CFDP1: variants seen among roughly 807,000 people sequenced by gnomAD.
CFDP1 encodes the protein heterochromatin-stabilizing protein CFDP1.
Under a neutral mutation model 40.1 loss-of-function variants are expected in CFDP1, and 31 were observed. That is an observed-to-expected ratio of 0.77 (90% CI 0.58 to 1.04). The LOEUF is 1.04. CFDP1 is among the 50% of genes least tolerant of loss of function. The probability of loss-of-function intolerance (pLI) is 0.00; values close to 1 mark genes in which losing one functional copy is unlikely to be tolerated. For synonymous variants in CFDP1, 167 were observed against 120.0 expected (o/e 1.39, Z -2.56); for missense variants, 423 against 343.4 (o/e 1.23, Z -1.83).
At chr16:75,342,577 T>TA (rs1555556285) in intron 5 of CFDP1, among the ~76,000 whole-genome samples, 3 of 152,188 alleles carry the variant, frequency 2.0e-5, no homozygotes, top group Non-Finnish European at 2.9e-5. Context: ...AATGCAGAGT[T>TA]AGAGTTCTGC....
At chr16:75,432,472 G>T (rs1426957620) in intron 1 of CFDP1, among the ~76,000 whole-genome samples, 2 of 151,392 alleles carry the variant, frequency 1.3e-5, no homozygotes, top group Non-Finnish European at 2.9e-5. Flanking sequence ...GATCGCTTGA[G>T]CCCAGGAGTC....
At chr16:75,378,696 G>A (rs1231877904) in intron 5 of CFDP1, among the ~76,000 whole-genome samples, 1 of 152,166 alleles carries the variant, frequency 6.6e-6, no homozygotes, top group Admixed American at 6.5e-5. Flanking sequence ...AACAAATGCA[G>A]TTGCAAAGGG....
At chr16:75,427,648 T>C (rs2079356388) in intron 1 of CFDP1, among the ~76,000 whole-genome samples, 1 of 152,164 alleles carries the variant, frequency 6.6e-6, no homozygotes, top group Non-Finnish European at 1.5e-5. Flanking sequence ...CTCAAACTTG[T>C]TACCAACAGC....
chr16:75,349,450 G>A (rs139295807), intron 5 of CFDP1, among the ~76,000 whole-genome samples: 1,995 of 150,194 alleles, frequency 0.013, 18 homozygotes, highest in Non-Finnish European at 0.019. Flanking sequence ...TGGAGGTTGC[G>A]GTGAGCCAGG....
intron 5 of CFDP1, among the ~76,000 whole-genome samples, chr16:75,335,071 T>C (rs2078476862): frequency 6.6e-6 from 1 of 152,348 alleles, no homozygotes; most frequent in South Asian, 2.1e-4. Context: ...ATGGCTCATG[T>C]ACCCCTAAAA....
chr16:75,356,425 G>A (rs1049573715), intron 5 of CFDP1, among the ~76,000 whole-genome samples: 7 of 152,194 alleles, frequency 4.6e-5, no homozygotes, highest in African/African-American at 1.7e-4. Context: ...GAATCTTTCT[G>A]TCTGAGCGGT....
intron 5 of CFDP1, among the ~76,000 whole-genome samples, chr16:75,366,315 C>A (rs1435982416): frequency 1.3e-5 from 2 of 152,184 alleles, no homozygotes; most frequent in African/African-American, 4.8e-5. Flanking sequence ...CAAAGATCCT[C>A]ATTCATTCAT....
chr16:75,412,025 T>C (rs2079167638), intron 3 of CFDP1, 73 bp from the exon 4 acceptor site: 2 of 1,475,244 alleles, frequency 1.4e-6, no homozygotes, highest in South Asian at 2.6e-5. Flanking sequence ...TTTTTATTTT[T>C]TTTTCTTTGA....
At chr16:75,313,263 G>A (rs1172388904) in intron 5 of CFDP1, among the ~76,000 whole-genome samples, 1 of 152,236 alleles carries the variant, frequency 6.6e-6, no homozygotes, top group Non-Finnish European at 1.5e-5. Flanking sequence ...CTTGGTTCGT[G>A]CATATAATGC....
At chr16:75,395,982 T>C (rs1205685631) in intron 4 of CFDP1, among the ~76,000 whole-genome samples, 1 of 111,286 alleles carries the variant, frequency 9.0e-6, no homozygotes, top group Non-Finnish European at 2.1e-5. Context: ...CGAAAACACC[T>C]GAGGAATGTT....
rs778282606 is a variant in CFDP1 at position 75,305,082 on chromosome 16, A to G, written c.751T>C (p.Phe251Leu). The change falls in exon 6 of 7, where the codon TTC (phenylalanine) becomes CTC (leucine). Residue 251 changes from phenylalanine (F) to leucine (L), a missense_variant. Coordinates refer to ENST00000283882, the MANE Select transcript of CFDP1 (RefSeq NM_006324.3). ...TCACCAATCCCCTCTTCCTCCTTGA[A>G]GCTCTCCCAGTCCAGTTTGGACTTC... Reference protein sequence around the residue: ...LEKSKLDWESFKEEEGIGEEL... With the variant: ...LEKSKLDWESLKEEEGIGEEL... 1.2e-6 allele frequency: 2 copies of G among 1,613,866 alleles called. No individual in the cohort carries two copies. The highest frequency in any genetic ancestry group is 1.3e-5 in the African/African-American group (1 of 74,820).
chr16:75,415,467 G>A (rs1180457901), intron 1 of CFDP1, among the ~76,000 whole-genome samples: 1 of 152,174 alleles, frequency 6.6e-6, no homozygotes, highest in Non-Finnish European at 1.5e-5. Context: ...GCCCCAGCTC[G>A]AGGAACTGAA....
intron 4 of CFDP1, among the ~76,000 whole-genome samples, chr16:75,397,062 C>T (rs1216736627): frequency 7.2e-5 from 11 of 151,984 alleles, no homozygotes; most frequent in South Asian, 4.2e-4. Flanking sequence ...TACGGGTGCC[C>T]GCCACCACGC....
At chr16:75,420,777 G>A (rs2079269659) in intron 1 of CFDP1, among the ~76,000 whole-genome samples, 1 of 152,168 alleles carries the variant, frequency 6.6e-6, no homozygotes, top group South Asian at 2.1e-4. Flanking sequence ...ATACCTAGGT[G>A]TAGAAAAAAA....
intron 5 of CFDP1, among the ~76,000 whole-genome samples, chr16:75,341,291 T>C (rs1481780523): frequency 6.6e-6 from 1 of 152,204 alleles, no homozygotes; most frequent in African/African-American, 2.4e-5. Context: ...GCTACAATTC[T>C]CTTTGACAGC....
chr16:75,360,798 G>A (rs75313280), intron 5 of CFDP1, among the ~76,000 whole-genome samples: 1,584 of 152,192 alleles, frequency 0.01, 30 homozygotes, highest in African/African-American at 0.033. Flanking sequence ...TTTAAGCAAC[G>A]TTAATTTTCA....
At chr16:75,358,133 C>T (rs189754053) in intron 5 of CFDP1, among the ~76,000 whole-genome samples, 8 of 151,066 alleles carry the variant, frequency 5.3e-5, no homozygotes, top group Non-Finnish European at 7.4e-5. Context: ...GATTGCACAC[C>T]GCCATAATAA....
chr16:75,419,119 T>C (rs1189494050), intron 1 of CFDP1: 2 of 367,488 alleles, frequency 5.4e-6, no homozygotes. Flanking sequence ...AAATAAATAA[T>C]AATAAAAAAA....
At chr16:75,314,068 A>T (rs192667779) in intron 5 of CFDP1, among the ~76,000 whole-genome samples, 377 of 152,198 alleles carry the variant, frequency 2.5e-3, no homozygotes, top group Non-Finnish European at 4.3e-3. Context: ...CATTTTTAAT[A>T]GACATGGGGT....
Sources: allele counts gnomAD v4.1 joint callset (sites outside exome capture counted in the v4.1 genomes callset), GRCh38; gene constraint gnomAD v4.1.1; transcripts MANE v1.5; gene names NCBI Gene and HGNC (gene_info 2026-07-23, HGNC 2026-07-21).